The following CEP85 variants were observed in gnomAD, a reference collection of about 807,000 sequenced individuals.
CEP85 encodes the protein centrosomal protein 85.
Under a neutral mutation model 93.7 loss-of-function variants are expected in CEP85, and 58 were observed. That is an observed-to-expected ratio of 0.62 (90% CI 0.50 to 0.77). The LOEUF is 0.77. Ranked by LOEUF, CEP85 falls within the 30% of genes least tolerant of loss-of-function variation. The pLI is 0.00. For synonymous variants in CEP85, 314 were observed against 338.6 expected (o/e 0.93, Z 0.80); for missense variants, 868 against 922.0 (o/e 0.94, Z 0.76).
chr1:26,264,205 C>G (rs1269156609), intron 7 of CEP85, among the ~76,000 whole-genome samples: 1 of 152,014 alleles, frequency 6.6e-6, no homozygotes, highest in Non-Finnish European at 1.5e-5. Context: ...TGTTAGAGGC[C>G]TGGTGATCAT....
At chr1:26,265,931 G>A (rs1349444868) in intron 7 of CEP85, among the ~76,000 whole-genome samples, 1 of 151,942 alleles carries the variant, frequency 6.6e-6, no homozygotes, top group African/African-American at 2.4e-5. Context: ...TTTTAAGCCA[G>A]GCTCGGTGGC....
At chr1:26,236,765 G>A (rs1049242471) in intron 1 of CEP85, among the ~76,000 whole-genome samples, 26 of 152,154 alleles carry the variant, frequency 1.7e-4, no homozygotes, top group African/African-American at 5.1e-4. Flanking sequence ...AAACATTTTA[G>A]GTAGACATGA....
chr1:26,238,396 T>C (rs1292152087), intron 1 of CEP85, among the ~76,000 whole-genome samples: 5 of 151,984 alleles, frequency 3.3e-5, no homozygotes, highest in Admixed American at 3.3e-4. Context: ...AGACGGGGTT[T>C]CACCATGTTG....
At chr1:26,268,915 C>T (rs962725214) in intron 8 of CEP85, among the ~76,000 whole-genome samples, 8 of 152,152 alleles carry the variant, frequency 5.3e-5, no homozygotes, top group African/African-American at 1.4e-4. Context: ...TAAAGTTTAA[C>T]TTCCTGGTTC....
intron 7 of CEP85, among the ~76,000 whole-genome samples, chr1:26,261,698 A>G (rs2089810682): frequency 6.7e-6 from 1 of 150,020 alleles, no homozygotes; most frequent in South Asian, 2.1e-4. Flanking sequence ...AGTTTAAGAC[A>G]AGCCTGAACA....
At chr1:26,263,201 A>T (rs1263810946) in intron 7 of CEP85, 1 of 284,600 alleles carries the variant, frequency 3.5e-6, no homozygotes, top group African/African-American at 2.3e-5. Flanking sequence ...GTTGGTGCAT[A>T]AAAATTCACC....
intron 3 of CEP85, among the ~76,000 whole-genome samples, chr1:26,251,251 G>GT (rs34370061): frequency 0.55 from 62,334 of 113,434 alleles, 17,613 homozygotes; most frequent in Non-Finnish European, 0.66. Flanking sequence ...CCCAAGCTTG[G>GT]TTTTTTTTTT....
chr1:26,251,863 T>C (rs777092813), intron 3 of CEP85, among the ~76,000 whole-genome samples: 8 of 152,150 alleles, frequency 5.3e-5, no homozygotes, highest in Non-Finnish European at 1.2e-4. Flanking sequence ...CAGTCTTCTG[T>C]TTTGTAATTA....
chr1:26,264,038 C>T (rs1015848073), intron 7 of CEP85, among the ~76,000 whole-genome samples: 4 of 152,162 alleles, frequency 2.6e-5, no homozygotes, highest in Non-Finnish European at 5.9e-5. Context: ...GCTTTTCCTG[C>T]GCTTTTTTTC....
chr1:26,245,273 A>G (rs1422411672), intron 3 of CEP85, among the ~76,000 whole-genome samples: 2 of 149,582 alleles, frequency 1.3e-5, no homozygotes, highest in South Asian at 2.1e-4. Context: ...AAACGATCCT[A>G]TTGCCTCAGC....
At chr1:26,266,580 A>T (rs997995249) in intron 7 of CEP85, among the ~76,000 whole-genome samples, 1 of 152,256 alleles carries the variant, frequency 6.6e-6, no homozygotes, top group African/African-American at 2.4e-5. Context: ...TCACTGGTTC[A>T]GAAATTTAAG....
In CEP85 at chr1:26,259,693, A is replaced by T. The variant is rs188837618; in HGVS notation, c.1232A>T (p.Asp411Val). 1.2e-6 allele frequency: 2 copies of T among 1,614,140 alleles called. No homozygotes were observed. Among genetic ancestry groups the T allele is most frequent in the Non-Finnish European group, 1.7e-6 (2 of 1,179,986 alleles). ...GAAGCCTTGAGCAGAGAAAAGATTG[A>T]CCTTGAAAAGAAACTCTCTGCTTCT... ...KTEALSREKI[D>V]LEKKLSASEV... is the part of the protein sequence containing the mutation. The change falls in exon 7 of 14, where the codon GAC becomes GTC. Residue 411 changes from aspartate to valine, a missense_variant. Transcript: ENST00000451429.
chr1:26,238,633 G>C (rs1279003194), intron 1 of CEP85, among the ~76,000 whole-genome samples: 2 of 152,154 alleles, frequency 1.3e-5, no homozygotes, highest in Admixed American at 1.3e-4. Flanking sequence ...TATGTGTCAG[G>C]AACTGTTGTA....
chr1:26,235,565 T>TTA (rs2089312390), intron 1 of CEP85, among the ~76,000 whole-genome samples: 2 of 99,858 alleles, frequency 2.0e-5, no homozygotes, highest in Non-Finnish European at 4.2e-5. Flanking sequence ...TAGATTGTAA[T>TTA]TCTTTTTTTT....
chr1:26,274,024 T>C (rs369271733), intron 11 of CEP85, among the ~76,000 whole-genome samples: 1 of 4,130 alleles, frequency 2.4e-4, no homozygotes, highest in South Asian at 1.6e-3. Flanking sequence ...TCCTTAGCAG[T>C]TTTTTTTTTT....
chr1:26,269,277 CCAGTT>C (rs1202934951), intron 8 of CEP85, 178 bp from the exon 9 acceptor site: 2 of 599,782 alleles, frequency 3.3e-6, no homozygotes, highest in Non-Finnish European at 5.9e-6. Flanking sequence ...CCTCCCCTGT[CCAGTT>C]GTGTTCTCAC....
intron 9 of CEP85, 61 bp downstream of exon 9, chr1:26,269,675 G>A: frequency 1.5e-6 from 2 of 1,362,342 alleles, no homozygotes; most frequent in African/African-American, 1.4e-5. Flanking sequence ...TAGCCATCCT[G>A]CTCACTTACC....
In CEP85 at chr1:26,261,333, G is replaced by A. The variant is rs933346228; in HGVS notation, c.1341+1531G>A. On this transcript the variant is annotated intron_variant, in intron 7 of 13. Transcript: ENST00000451429. Reference sequence around the variant, plus strand: ...ACTAAAAATACAAAATTAGCTGGGCGTGGTGGCACATGCCTATAATCCCAG... The same window carrying A: ...ACTAAAAATACAAAATTAGCTGGGCATGGTGGCACATGCCTATAATCCCAG... 1.5e-4 allele frequency among the ~76,000 whole-genome samples: 23 copies of A among 151,918 alleles called. 1 individual carries two copies. The highest frequency in any genetic ancestry group is 2.4e-4 in the Non-Finnish European group (16 of 67,950).
Position 26,276,661 on chromosome 1 carries a change from T to C in CEP85, c.2029T>C (p.Leu677=), listed in dbSNP as rs758430687. The C allele has an allele frequency of 1.9e-6, 3 of 1,613,960 alleles. No homozygotes were observed. The highest frequency in any genetic ancestry group is 2.5e-6 in the Non-Finnish European group (3 of 1,180,018). The change falls in exon 13 of 14, where the codon TTG becomes CTG. Residue 677 remains leucine, a synonymous_variant. Transcript: ENST00000451429. ...AQLALELHQE[L]ASCLQDLQAV... The stretch of plus-strand genomic sequence containing the variant: ...GCTGGCACTTGAGCTGCACCAGGAG[T>C]TGGCCAGTTGCCTTCAAGATCTGCA...
Sources: allele counts gnomAD v4.1 joint callset (sites outside exome capture counted in the v4.1 genomes callset), GRCh38; gene constraint gnomAD v4.1.1; transcripts MANE v1.5; gene names NCBI Gene and HGNC (gene_info 2026-07-23, HGNC 2026-07-21).